VWF: variants seen among roughly 807,000 people sequenced by gnomAD.
The protein encoded by VWF is Factor VIII related antigen.
VWF carries 176 observed loss-of-function variants against 308.6 expected under a neutral mutation model. The observed-to-expected ratio is 0.57, with a 90% CI of 0.50 to 0.65. The LOEUF (loss-of-function observed/expected upper bound fraction) is 0.65. Ranked by LOEUF, VWF falls within the 30% of genes least tolerant of loss-of-function variation. The pLI is 0.00. For missense variants in VWF, 3,146 were observed against 3,648.2 expected, an observed-to-expected ratio of 0.86 and a Z score of 3.55; for synonymous variants, 1,385 against 1,443.4, an observed-to-expected ratio of 0.96 and a Z score of 0.92.
chr12:6,047,125 T>C (rs1416025546), intron 16 of VWF, among the ~76,000 whole-genome samples: 2 of 152,224 alleles, frequency 1.3e-5, no homozygotes, highest in Non-Finnish European at 2.9e-5. Context: ...TTCCTCCTTC[T>C]CAGCCTCAGC....
At chr12:5,975,213 G>A (rs1326970813) in intron 43 of VWF, among the ~76,000 whole-genome samples, 3 of 152,166 alleles carry the variant, frequency 2.0e-5, no homozygotes, top group Admixed American at 6.5e-5. Flanking sequence ...GCCCTCCTCC[G>A]TCAAACCATT....
intron 6 of VWF, among the ~76,000 whole-genome samples, chr12:6,092,754 C>A (rs1190566094): frequency 3.3e-5 from 5 of 150,346 alleles, no homozygotes; most frequent in Non-Finnish European, 7.4e-5. Flanking sequence ...GCACAAGATG[C>A]CTCTGTGTCC....
chr12:5,983,677 G>GATAA (rs41496447), intron 40 of VWF, among the ~76,000 whole-genome samples: 11,414 of 151,828 alleles, frequency 0.075, 624 homozygotes, highest in East Asian at 0.25. Flanking sequence ...TAGGATAGAT[G>GATAA]ATAGATACAT....
chr12:6,092,614 T>TGAGTGTGAGAGAGAGAGA lies in VWF; in HGVS notation c.657+2845_657+2846insTCTCTCTCTCTCACACTC, dbSNP rs71064187. ...CATGCCCAGCTAGTTAGTGAGTGAG[T>TGAGTGTGAGAGAGAGAGA]GAGAGTGTGTGTGTGTGTGTGTGTG... On this transcript the variant is annotated intron_variant, in intron 6 of 51. Coordinates refer to ENST00000261405, the MANE Select transcript of VWF (RefSeq NM_000552.5). Among the ~76,000 whole-genome samples the TGAGTGTGAGAGAGAGAGA allele has an allele frequency of 2.3e-5, 2 of 86,056 alleles. 1 individual carries two copies. The highest frequency in any genetic ancestry group is 4.4e-5 in the Non-Finnish European group (2 of 45,048). 56.5% of individuals were successfully genotyped at this position (86,056 alleles called of 152,430 possible).
intron 18 of VWF, among the ~76,000 whole-genome samples, chr12:6,039,264 C>T (rs1159385398): frequency 2.6e-5 from 4 of 152,186 alleles, no homozygotes; most frequent in Non-Finnish European, 4.4e-5. Flanking sequence ...ATCTTCAGTC[C>T]GAAAGGGGTC....
At chr12:6,022,328 C>G (rs574879745) in intron 26 of VWF, among the ~76,000 whole-genome samples, 57 of 152,206 alleles carry the variant, frequency 3.7e-4, no homozygotes, top group Non-Finnish European at 7.4e-4. Flanking sequence ...TGAATAACAC[C>G]TTCAGTAACT....
In VWF at chr12:6,052,764, G is replaced by T; in HGVS notation, c.1965C>A (p.Gly655=). 3 of 1,610,262 alleles carry T rather than the reference G, an allele frequency of 1.9e-6. No individual in the cohort carries two copies. In the Admixed American group the frequency reaches 5.0e-5, roughly 27 times the overall value. Residue 655 remains glycine, a synonymous_variant, in exon 16 of 52, where the codon GGC becomes GGA. Transcript: ENST00000261405. ...GGGTCCCGCACTGCAGGTACACCTGGCCTTTCGGGCAGTTCAGCTCTAGAA... is the reference window on the plus strand; with the variant it reads ...GGGTCCCGCACTGCAGGTACACCTGTCCTTTCGGGCAGTTCAGCTCTAGAA... ...PGRCELNCPK[G]QVYLQCGTPC... is the part of the protein sequence containing the mutation.
chr12:6,055,143 C>A (rs774780829), intron 15 of VWF, among the ~76,000 whole-genome samples: 4 of 152,134 alleles, frequency 2.6e-5, no homozygotes, highest in Non-Finnish European at 5.9e-5. Context: ...AGCCCATTTC[C>A]CCTGTTCTGT....
In VWF at chr12:6,108,334, T is replaced by TACAC. The variant is rs34140032; in HGVS notation, c.532+2036_532+2039dup. Among the ~76,000 whole-genome samples the TACAC allele has an allele frequency of 8.8e-3, 1,087 of 124,162 alleles. 18 individuals are homozygous for TACAC. The highest frequency in any genetic ancestry group is 0.025 in the African/African-American group (862 of 34,744). The allele number at this position is 124,162 out of a possible 152,430, so 81.5% of individuals were successfully genotyped here. On this transcript the variant is annotated intron_variant, in intron 5 of 51. Transcript: ENST00000261405. ...AGAAAGAAAGAAAGAAAGAAATATA[T>TACAC]ACACACACACACACACACACACACA...
At chr12:6,093,547 G>A (rs550733046) in intron 6 of VWF, among the ~76,000 whole-genome samples, 53 of 152,234 alleles carry the variant, frequency 3.5e-4, no homozygotes, top group African/African-American at 9.1e-4. Flanking sequence ...GCATACAAAC[G>A]TCCCGCCCAG....
chr12:5,997,616 T>A (rs1270995531), intron 34 of VWF, among the ~76,000 whole-genome samples: 1 of 152,224 alleles, frequency 6.6e-6, no homozygotes, highest in East Asian at 1.9e-4. Flanking sequence ...GCAATATAGA[T>A]GAAATGCCTA....
chr12:5,983,794 GAGATAGAT>G (rs11268064), intron 40 of VWF, among the ~76,000 whole-genome samples: 17 of 148,656 alleles, frequency 1.1e-4, no homozygotes, highest in African/African-American at 3.0e-4. Context: ...AGATACAATA[GAGATAGAT>G]AGATAGATAG....
chr12:6,021,260 T>C (rs1944126068), intron 27 of VWF: 2 of 152,094 alleles, frequency 1.3e-5, no homozygotes, highest in South Asian at 4.2e-4. Flanking sequence ...TGTCAGGGAG[T>C]GGTGTTGAAT....
At position 6,092,626 on chromosome 12, in the gene VWF, T is replaced by TGAGAGTGAGAGAGA. The variant is rs1242670462; in HGVS notation, c.657+2833_657+2834insTCTCTCTCACTCTC. Among the ~76,000 whole-genome samples, 18 of 83,530 alleles carry TGAGAGTGAGAGAGA rather than the reference T, an allele frequency of 2.2e-4. 1 individual carries two copies. The highest frequency in any genetic ancestry group is 9.0e-4 in the African/African-American group (14 of 15,548). The allele number at this position is 83,530 out of a possible 152,430, so 54.8% of individuals were successfully genotyped here. On this transcript the variant is annotated intron_variant, in intron 6 of 51. Coordinates refer to ENST00000261405, the MANE Select transcript of VWF (RefSeq NM_000552.5). ...GTTAGTGAGTGAGTGAGAGTGTGTGTGTGTGTGTGTGTGTGTGTGTGTGTG... is the reference window on the plus strand; with the variant it reads ...GTTAGTGAGTGAGTGAGAGTGTGTGTGAGAGTGAGAGAGAGTGTGTGTGTGTGTGTGTGTGTGTG...
intron 5 of VWF, among the ~76,000 whole-genome samples, chr12:6,106,704 G>A (rs1409591839): frequency 7.2e-5 from 11 of 151,890 alleles, no homozygotes; most frequent in South Asian, 2.1e-4. Flanking sequence ...GTGAAACCCC[G>A]TCTCTACTAA....
At chr12:6,042,925 C>T (rs1185053552) in intron 18 of VWF, among the ~76,000 whole-genome samples, 2 of 152,154 alleles carry the variant, frequency 1.3e-5, no homozygotes, top group Non-Finnish European at 2.9e-5. Flanking sequence ...TATGCTTTCC[C>T]CACACCAAAG....
Position 6,018,612 on chromosome 12 carries a change from G to A in VWF, c.4806C>T (p.Asn1602=), listed in dbSNP as rs1435370028. 6.2e-7 allele frequency: 1 copy of A among 1,614,000 alleles called. No individual in the cohort carries two copies. Among genetic ancestry groups the A allele is most frequent in the Non-Finnish European group, 8.5e-7 (1 of 1,180,008 alleles). The change falls in exon 28 of 52, where the codon AAC becomes AAT. Residue 1602 remains asparagine, a synonymous_variant. Transcript: ENST00000261405. ...GATTTCCGGTGACCATGTAGACCAGGTTGGGCGCCTGCTCCCGGTCACCCT... is the reference window on the plus strand; with the variant it reads ...GATTTCCGGTGACCATGTAGACCAGATTGGGCGCCTGCTCCCGGTCACCCT... The part of the protein sequence containing the change: ...VSQGDREQAP[N]LVYMVTGNPA...
At chr12:6,109,709 G>A (rs768075588) in intron 5 of VWF, among the ~76,000 whole-genome samples, 16 of 151,960 alleles carry the variant, frequency 1.1e-4, no homozygotes, top group Non-Finnish European at 1.6e-4. Flanking sequence ...GGAGTGAAGC[G>A]GCACGATCAC....
chr12:6,044,573 C>T lies in VWF; in HGVS notation c.2282-122G>A, dbSNP rs1558520. Reference sequence around the variant, plus strand: ...CAAGAGACTCAGAGTTGCCCACTCACGGGGACCAGCAGCTGCCTGAGCCAG... The same window carrying T: ...CAAGAGACTCAGAGTTGCCCACTCATGGGGACCAGCAGCTGCCTGAGCCAG... On this transcript the variant is annotated intron_variant, in intron 17 of 51. Transcript: ENST00000261405. The T allele has an allele frequency of 0.36, 460,479 of 1,282,840 alleles. 87,080 individuals carry two copies. Among genetic ancestry groups the T allele is most frequent in the African/African-American group, 0.58 (39,331 of 67,862 alleles). The allele number at this position is 1,282,840 out of a possible 1,614,324, so 79.5% of individuals were successfully genotyped here. A position where few individuals can be genotyped will look rare whatever the true frequency, so the allele number is the denominator to read the frequency against.
Sources: gnomAD v4.1 joint callset for allele counts (sites outside exome capture counted in the v4.1 genomes callset) on GRCh38, gnomAD v4.1.1 for gene constraint, MANE v1.5 for transcripts, NCBI Gene and HGNC (gene_info 2026-07-23, HGNC 2026-07-21) for gene names.